Variants in CBY1 observed in about 807,000 individuals in gnomAD.
CBY1 encodes the protein protein chibby homolog 1.
In CBY1, 10 loss-of-function variants were observed where a neutral mutation model predicts 15.6. The observed-to-expected ratio is 0.64, with a 90% CI of 0.40 to 1.09. The LOEUF is 1.09. Among genes scored for constraint, CBY1 ranks in the 50% least tolerant of loss-of-function variants. CBY1 has a pLI of 0.01. For missense variants in CBY1, 150 were observed against 160.5 expected (o/e 0.93, Z 0.35); for synonymous variants, 61 against 63.5 (o/e 0.96, Z 0.19).
chr22:38,673,381 T>A lies in CBY1; in HGVS notation c.*145T>A. ...CTTGGGTTGGCAATAGAAGGTGACA[T>A]GGAATGGAGAAAACCAAGATTCCAG... On this transcript the variant is annotated 3_prime_UTR_variant, in exon 5 of 5. Transcript: ENST00000216029. 1 of 585,142 alleles carries A rather than the reference T, an allele frequency of 1.7e-6. No individual in the cohort carries two copies. Among genetic ancestry groups the A allele is most frequent in the South Asian group, 1.9e-5 (1 of 51,732 alleles). 36.2% of individuals were successfully genotyped at this position (585,142 alleles called of 1,614,324 possible). A position where few individuals can be genotyped will look rare whatever the true frequency, so the allele number is the denominator to read the frequency against.
chr22:38,659,330 G>C (rs1309638725), intron 1 of CBY1, among the ~76,000 whole-genome samples: 1 of 151,944 alleles, frequency 6.6e-6, no homozygotes, highest in African/African-American at 2.4e-5. Context: ...CACAATCTCA[G>C]CTCACTGCAA....
intron 1 of CBY1, among the ~76,000 whole-genome samples, chr22:38,663,081 C>T (rs1569254016): frequency 6.6e-6 from 1 of 152,004 alleles, no homozygotes; most frequent in Non-Finnish European, 1.5e-5. Flanking sequence ...GATCACATCA[C>T]TGCCCTCCAG....
Position 38,673,207 on chromosome 22 carries a change from G to T in CBY1, c.352G>T (p.Glu118Ter). The T allele has an allele frequency of 6.2e-7, 1 of 1,612,650 alleles. No individual in the cohort carries two copies. Among genetic ancestry groups the T allele is most frequent in the South Asian group, 1.1e-5 (1 of 91,026 alleles). Residue 118 changes from glutamate (E) to a stop codon, truncating the protein, a stop_gained, in exon 5 of 5, where the codon GAA becomes TAA. Coordinates refer to ENST00000216029, the MANE Select transcript of CBY1 (RefSeq NM_015373.4). LOFTEE classifies it high-confidence loss of function. Reference sequence around the variant, plus strand: ...CCACTTAATGGAGAAGGAACTGGATGAACTGAGGATCAGCCGGAAGAGAAA... The same window carrying T: ...CCACTTAATGGAGAAGGAACTGGATTAACTGAGGATCAGCCGGAAGAGAAA... ...ESHLMEKELDELRISRKRK is the reference protein window; with the variant it reads ...ESHLMEKELD
At position 38,673,215 on chromosome 22, in the gene CBY1, G is replaced by T. The variant is rs775134726; in HGVS notation, c.360G>T (p.Arg120Ser). ...TGGAGAAGGAACTGGATGAACTGAGGATCAGCCGGAAGAGAAAATGAAGAC... is the reference window on the plus strand; with the variant it reads ...TGGAGAAGGAACTGGATGAACTGAGTATCAGCCGGAAGAGAAAATGAAGAC... ...HLMEKELDEL[R>S]ISRKRK The change falls in exon 5 of 5, where the codon AGG becomes AGT. Residue 120 changes from arginine to serine, a missense_variant. Arg to Ser is a moderately radical substitution (Grantham distance 110). Coordinates refer to ENST00000216029, the MANE Select transcript of CBY1 (RefSeq NM_015373.4). 3.1e-6 allele frequency: 5 copies of T among 1,612,242 alleles called. No individual in the cohort carries two copies. The Admixed American group carries it at 8.3e-5, about 27-fold the overall frequency.
chr22:38,661,324 C>T (rs1251746962), intron 1 of CBY1, among the ~76,000 whole-genome samples: 2 of 152,190 alleles, frequency 1.3e-5, no homozygotes, highest in African/African-American at 2.4e-5. Flanking sequence ...CAGGTGAGCA[C>T]CACCACTCCC....
At chr22:38,667,975 A>G in intron 1 of CBY1, 42 bp from the exon 2 acceptor site, 1 of 1,035,908 alleles carries the variant, frequency 9.7e-7, no homozygotes, top group South Asian at 1.3e-5. Flanking sequence ...GCATAAGGTC[A>G]GTGATCCAGC....
intron 1 of CBY1, among the ~76,000 whole-genome samples, chr22:38,660,011 G>T (rs1411201153): frequency 1.3e-5 from 2 of 151,960 alleles, no homozygotes; most frequent in African/African-American, 4.8e-5. Flanking sequence ...AATTTTAGAA[G>T]TAGAGTTGCT....
Position 38,670,997 on chromosome 22 carries a change from G to C in CBY1, c.184+8G>C. On this transcript the variant is annotated splice_region_variant and intron_variant, in intron 3 of 4. Coordinates refer to ENST00000216029, the MANE Select transcript of CBY1 (RefSeq NM_015373.4). Reference sequence around the variant, plus strand: ...ATGGCCAGTGGATAGCAGGTGAGCTGCACTTCCTGCCATTTTGTCAAACAA... The same window carrying C: ...ATGGCCAGTGGATAGCAGGTGAGCTCCACTTCCTGCCATTTTGTCAAACAA... The C allele has an allele frequency of 6.2e-7, 1 of 1,611,860 alleles. No homozygotes were observed. Among genetic ancestry groups the C allele is most frequent in the Non-Finnish European group, 8.5e-7 (1 of 1,177,820 alleles).
chr22:38,657,076 G>C (rs1016787538), intron 1 of CBY1: 30 of 976,122 alleles, frequency 3.1e-5, no homozygotes, highest in Non-Finnish European at 3.7e-5. Flanking sequence ...GAACTCCTTG[G>C]GGGACACGTA....
intron 4 of CBY1, chr22:38,671,579 C>T (rs1210227260): frequency 3.7e-6 from 1 of 268,348 alleles, no homozygotes; most frequent in Non-Finnish European, 7.3e-6. Context: ...TTGGAAGTGT[C>T]TCATACCAAG....
rs373843459 is a variant in CBY1, at chr22:38,673,461, G to C, written c.*225G>C. ...ATGCACTGCCTGCGGGTGCCAGTCT[G>C]AAAACCAGACCGCACAGAGGCCTGG... On this transcript the variant is annotated 3_prime_UTR_variant, in exon 5 of 5. Coordinates refer to ENST00000216029, the MANE Select transcript of CBY1 (RefSeq NM_015373.4). 4.4e-6 allele frequency: 2 copies of C among 454,746 alleles called. No individual in the cohort carries two copies. Among genetic ancestry groups the C allele is most frequent in the African/African-American group, 2.0e-5 (1 of 50,332 alleles). 28.2% of individuals were successfully genotyped at this position (454,746 alleles called of 1,614,324 possible).
intron 1 of CBY1, among the ~76,000 whole-genome samples, chr22:38,664,157 TAG>T (rs1216815730): frequency 1.3e-5 from 2 of 151,886 alleles, no homozygotes; most frequent in African/African-American, 2.4e-5. Flanking sequence ...ATGAACATGA[TAG>T]ACAGCTCAAT....
intron 1 of CBY1, among the ~76,000 whole-genome samples, chr22:38,657,600 G>T (rs2092404112): frequency 6.6e-6 from 1 of 152,240 alleles, no homozygotes. Context: ...TGACTTAAAA[G>T]GTAGCTAATC....
chr22:38,671,292 G>C, intron 4 of CBY1, 104 bp downstream of exon 4: 1 of 875,094 alleles, frequency 1.1e-6, no homozygotes, highest in Non-Finnish European at 1.9e-6. Flanking sequence ...AGTTTGGCCA[G>C]GTACGTTGCT....
intron 2 of CBY1, chr22:38,669,806 T>A (rs1450073382): frequency 2.6e-5 from 4 of 152,312 alleles, no homozygotes; most frequent in Admixed American, 2.6e-4. Context: ...GAAATGAATA[T>A]CTAGGCCAGG....
chr22:38,660,115 C>CT (rs1350122193), intron 1 of CBY1, among the ~76,000 whole-genome samples: 1 of 152,020 alleles, frequency 6.6e-6, no homozygotes, highest in African/African-American at 2.4e-5. Flanking sequence ...ATAACAGTGT[C>CT]TTTTTCTTCA....
At chr22:38,670,704 A>G (rs961206213) in intron 2 of CBY1, 180 bp from the exon 3 acceptor site, 2 of 581,792 alleles carry the variant, frequency 3.4e-6, no homozygotes, top group Non-Finnish European at 3.1e-6. Context: ...TATATTTTTT[A>G]TCTCACAATT....
chr22:38,661,731 C>A (rs2092422855), intron 1 of CBY1, among the ~76,000 whole-genome samples: 1 of 151,936 alleles, frequency 6.6e-6, no homozygotes, highest in Non-Finnish European at 1.5e-5. Flanking sequence ...ACTTTGAATT[C>A]TCTTTTAATG....
chr22:38,671,016 CAA>C, intron 3 of CBY1, 27 bp downstream of exon 3: 1 of 1,612,130 alleles, frequency 6.2e-7, no homozygotes, highest in Non-Finnish European at 8.5e-7. Flanking sequence ...GCCATTTTGT[CAA>C]ACAAGATTGT....
Sources: gnomAD v4.1 joint callset for allele counts (sites outside exome capture counted in the v4.1 genomes callset) on GRCh38, gnomAD v4.1.1 for gene constraint, MANE v1.5 for transcripts, NCBI Gene and HGNC (gene_info 2026-07-23, HGNC 2026-07-21) for gene names.